Variants in GPHN observed in about 807,000 individuals in gnomAD.
GPHN encodes the protein gephyrin.
In GPHN, 17 loss-of-function variants were observed where a neutral mutation model predicts 95.5. The observed-to-expected ratio is 0.18, with a 90% CI of 0.12 to 0.27. The LOEUF is 0.27. Among genes scored for constraint, GPHN ranks in the 10% least tolerant of loss-of-function variants. The probability of loss-of-function intolerance (pLI) is 1.00; values close to 1 mark genes in which losing one functional copy is unlikely to be tolerated. For synonymous variants in GPHN, 320 were observed against 322.5 expected, an observed-to-expected ratio of 0.99 and a Z score of 0.08; for missense variants, 660 against 978.1, an observed-to-expected ratio of 0.67 and a Z score of 4.34.
At chr14:66,766,704 G>C (rs1042743717) in intron 2 of GPHN, among the ~76,000 whole-genome samples, 2 of 151,952 alleles carry the variant, frequency 1.3e-5, no homozygotes, top group East Asian at 3.9e-4. Context: ...AAAATTGAAA[G>C]CATCAAAGCA....
chr14:66,655,456 A>G (rs917885069), intron 1 of GPHN, among the ~76,000 whole-genome samples: 1 of 152,052 alleles, frequency 6.6e-6, no homozygotes. Context: ...TCAGTCTTGT[A>G]TCTTGTGGCC....
chr14:66,827,109 C>A (rs1379099714), intron 4 of GPHN, among the ~76,000 whole-genome samples: 1 of 151,990 alleles, frequency 6.6e-6, no homozygotes, highest in African/African-American at 2.4e-5. Context: ...CAAAGTGAGA[C>A]CATGTCTTTA....
chr14:67,537,971 G>A, the GPHN span, among the ~76,000 whole-genome samples: 1 of 152,194 alleles, frequency 6.6e-6, no homozygotes, highest in Admixed American at 6.5e-5. Context: ...TAGCAGGCTG[G>A]GTGCCAGCAG....
the GPHN span, among the ~76,000 whole-genome samples, chr14:67,358,127 C>T: frequency 6.6e-6 from 1 of 152,034 alleles, no homozygotes; most frequent in Non-Finnish European, 1.5e-5. Context: ...CTGGGGTCAC[C>T]CTAGGGGCAG....
At chr14:66,835,836 T>A (rs1176047757) in intron 4 of GPHN, among the ~76,000 whole-genome samples, 1 of 151,958 alleles carries the variant, frequency 6.6e-6, no homozygotes, top group South Asian at 2.1e-4. Context: ...TGAACTCCCA[T>A]TCACAATTGC....
At chr14:67,265,432 T>G in the GPHN span, among the ~76,000 whole-genome samples, 1 of 152,094 alleles carries the variant, frequency 6.6e-6, no homozygotes, top group African/African-American at 2.4e-5. Context: ...GGCGTGTGCC[T>G]GTAGTCCCAG....
chr14:66,649,822 G>A (rs765360464), intron 1 of GPHN, among the ~76,000 whole-genome samples: 2 of 152,192 alleles, frequency 1.3e-5, no homozygotes, highest in Non-Finnish European at 2.9e-5. Context: ...GTGAGGTGAT[G>A]TACTTCAATT....
At chr14:66,954,905 G>A (rs1422482363) in intron 8 of GPHN, among the ~76,000 whole-genome samples, 1 of 152,062 alleles carries the variant, frequency 6.6e-6, no homozygotes, top group Non-Finnish European at 1.5e-5. Context: ...TGTTAACATG[G>A]TGTATTTCAC....
the GPHN span, among the ~76,000 whole-genome samples, chr14:67,633,374 G>A: frequency 3.8e-3 from 571 of 152,124 alleles, 2 homozygotes; most frequent in African/African-American, 0.013. Context: ...ATTCTATGGC[G>A]ATGTATACTT....
chr14:67,590,762 A>G, the GPHN span, among the ~76,000 whole-genome samples: 1 of 152,220 alleles, frequency 6.6e-6, no homozygotes, highest in South Asian at 2.1e-4. Context: ...TGCTGGAAAG[A>G]GTCCCAGCTA....
the GPHN span, among the ~76,000 whole-genome samples, chr14:67,694,288 T>C: frequency 5.3e-5 from 8 of 152,250 alleles, no homozygotes; most frequent in Middle Eastern, 3.4e-3. Context: ...CCTTACTGTA[T>C]GTAGCTCCAG....
At chr14:66,725,152 C>T (rs1217117640) in intron 2 of GPHN, among the ~76,000 whole-genome samples, 1 of 152,110 alleles carries the variant, frequency 6.6e-6, no homozygotes, top group Non-Finnish European at 1.5e-5. Context: ...TGTCTTTGAG[C>T]CAGGAAGAAA....
chr14:67,204,466 T>C, the GPHN span: 14 of 1,458,906 alleles, frequency 9.6e-6, no homozygotes, highest in African/African-American at 4.3e-5. Context: ...AATATATATA[T>C]ATATAAGAAA....
the GPHN span, chr14:67,600,170 C>T: frequency 6.3e-7 from 1 of 1,589,442 alleles, no homozygotes; most frequent in South Asian, 1.1e-5. Flanking sequence ...AGGCGGCCGC[C>T]GCAGATATCC....
At chr14:67,244,087 AG>A in the GPHN span, among the ~76,000 whole-genome samples, 1 of 152,238 alleles carries the variant, frequency 6.6e-6, no homozygotes, top group African/African-American at 2.4e-5. Context: ...CTTAACTGGC[AG>A]GATTCTTTCT....
the GPHN span, among the ~76,000 whole-genome samples, chr14:67,628,035 C>T: frequency 6.6e-6 from 1 of 152,170 alleles, no homozygotes; most frequent in Non-Finnish European, 1.5e-5. Context: ...CTGCTTTGGA[C>T]CTCATCTGTG....
chr14:67,334,166 T>C, the GPHN span: 5 of 152,758 alleles, frequency 3.3e-5, no homozygotes, highest in South Asian at 1.0e-3. Flanking sequence ...ATTAAATATA[T>C]AGAAATAGGT....
the GPHN span, chr14:67,228,472 G>T: frequency 5.0e-6 from 1 of 199,242 alleles, no homozygotes; most frequent in South Asian, 1.7e-4. Context: ...CACAGCTCAG[G>T]GAAAGACAAT....
chr14:67,424,316 G>A, the GPHN span, among the ~76,000 whole-genome samples: 1 of 151,664 alleles, frequency 6.6e-6, no homozygotes, highest in Admixed American at 6.6e-5. Flanking sequence ...TATTGGGGGT[G>A]ATTAAGAAAG....
Sources: gnomAD v4.1 joint callset for allele counts (sites outside exome capture counted in the v4.1 genomes callset) on GRCh38, gnomAD v4.1.1 for gene constraint, MANE v1.5 for transcripts, NCBI Gene and HGNC (gene_info 2026-07-23, HGNC 2026-07-21) for gene names.